NABP1: variants seen among roughly 807,000 people sequenced by gnomAD.
NABP1 encodes the protein nucleic acid binding protein 1, also known as SOSS complex subunit B2.
In NABP1, 18 loss-of-function variants were observed where a neutral mutation model predicts 25.0. That is an observed-to-expected ratio of 0.72 (90% CI 0.50 to 1.07). The LOEUF is 1.07. Among genes scored for constraint, NABP1 ranks in the 50% least tolerant of loss-of-function variants. The pLI, the probability that NABP1 is intolerant of heterozygous loss-of-function variation, is 0.00. For missense variants in NABP1, 270 were observed against 255.6 expected (o/e 1.06, Z -0.39); for synonymous variants, 71 against 85.0 (o/e 0.84, Z 0.91).
Position 191,685,766 on chromosome 2 carries a change from T to C in NABP1, c.613T>C (p.Ter205ArgextTer8). 2 of 1,613,960 alleles carry C rather than the reference T, an allele frequency of 1.2e-6. No individual in the cohort carries two copies. The highest frequency in any genetic ancestry group is 1.7e-6 in the Non-Finnish European group (2 of 1,179,872). The change falls in exon 6 of 6, where the codon TGA (stop) becomes CGA (arginine). Residue 205 changes from the stop codon to arginine (R), a stop_lost. Transcript: ENST00000425611. ...GGACCCTCGGAGAGCCTTTAAAAGA[T>C]GACCTATGCTAAATACTCATGTGTA... ...GRDPRRAFKR* is the reference protein window; with the variant it reads ...GRDPRRAFKRR
At chr2:191,681,842 C>T in intron 2 of NABP1, 104 bp from the exon 3 acceptor site, 2 of 628,448 alleles carry the variant, frequency 3.2e-6, no homozygotes, top group Non-Finnish European at 4.9e-6. Flanking sequence ...GCTTGATCCT[C>T]ACTTCTACCT....
chr2:191,683,724 T>G lies in NABP1; in HGVS notation c.303-5T>G. 2.5e-6 allele frequency: 4 copies of G among 1,608,340 alleles called. No homozygotes were observed. The highest frequency in any genetic ancestry group is 3.4e-6 in the Non-Finnish European group (4 of 1,176,000). ...TCATTTAATTTTTTCTTTATTTTCT[T>G]TCAGATTTTGTATGGTTTATTCAGA... On this transcript the variant is annotated splice_region_variant and splice_polypyrimidine_tract_variant and intron_variant, in intron 3 of 5. Transcript: ENST00000425611. This position sits in a 1 kb window ranked among gnomAD's most constrained non-coding sequence, Gnocchi z 4.1.
rs960658219 is a variant in NABP1 at position 191,686,570 on chromosome 2, A to G, written c.*802A>G. 3.9e-5 allele frequency: 6 copies of G among 152,240 alleles called. No individual in the cohort carries two copies. The highest frequency in any genetic ancestry group is 1.4e-4 in the African/African-American group (6 of 41,460). 9.4% of individuals were successfully genotyped at this position (152,240 alleles called of 1,614,324 possible). A position where few individuals can be genotyped will look rare whatever the true frequency, so the allele number is the denominator to read the frequency against. On this transcript the variant is annotated 3_prime_UTR_variant, in exon 6 of 6. Coordinates refer to ENST00000425611, the MANE Select transcript of NABP1 (RefSeq NM_001031716.5). ...AACATTCATCTGATTATTTTAAACA[A>G]TAGTTGTGGTAGATAAACATACTGG...
chr2:191,686,319 A>T lies in NABP1; in HGVS notation c.*551A>T, dbSNP rs1687821674. ...TCCCAAATTTTTGTTGTATTACCAA[A>T]AAAACAGATTCCTTATCAGAATTTG... On this transcript the variant is annotated 3_prime_UTR_variant, in exon 6 of 6. Transcript: ENST00000425611. 1 of 152,258 alleles carries T rather than the reference A, an allele frequency of 6.6e-6. No individual in the cohort carries two copies. Among genetic ancestry groups the T allele is most frequent in the Non-Finnish European group, 1.5e-5 (1 of 68,070 alleles). 9.4% of individuals were successfully genotyped at this position (152,258 alleles called of 1,614,324 possible). A position where few individuals can be genotyped will look rare whatever the true frequency, so the allele number is the denominator to read the frequency against.
chr2:191,678,725 T>C lies in NABP1; in HGVS notation c.91+20T>C. On this transcript the variant is annotated intron_variant, in intron 1 of 5. Coordinates refer to ENST00000425611, the MANE Select transcript of NABP1 (RefSeq NM_001031716.5). ...AGATAGGTAAGTGGGGTTTGCAGCC[T>C]ACTCCACCGCCCGCTGTGCCTCCCG... 6.3e-7 allele frequency: 1 copy of C among 1,596,144 alleles called. No homozygotes were observed. Among genetic ancestry groups the C allele is most frequent in the Non-Finnish European group, 8.6e-7 (1 of 1,168,280 alleles).
intron 2 of NABP1, 139 bp downstream of exon 2, chr2:191,679,267 A>T: frequency 9.8e-7 from 1 of 1,021,520 alleles, no homozygotes; most frequent in Admixed American, 2.6e-5. Context: ...TTTGGTGTTA[A>T]CTTTGGGTGG....
intron 2 of NABP1, among the ~76,000 whole-genome samples, chr2:191,680,993 C>T (rs1426854562): frequency 6.6e-6 from 1 of 152,096 alleles, no homozygotes; most frequent in Admixed American, 6.5e-5. Context: ...TATCAGAATA[C>T]CCTGAAAACT....
At chr2:191,680,596 A>G (rs574392701) in intron 2 of NABP1, among the ~76,000 whole-genome samples, 1 of 152,318 alleles carries the variant, frequency 6.6e-6, no homozygotes, top group South Asian at 2.1e-4. Flanking sequence ...TACGCTAAAA[A>G]CGGCATCTTA....
chr2:191,678,528 C>T lies in NABP1; in HGVS notation c.-87C>T. On this transcript the variant is annotated 5_prime_UTR_variant, in exon 1 of 6. Coordinates refer to ENST00000425611, the MANE Select transcript of NABP1 (RefSeq NM_001031716.5). ...ACCCCTGCCCAAGGTCGCCCCTCTG[C>T]CTTCGCCCCTGTCCCGGGAGGGTGG... is the stretch of plus-strand genomic sequence containing the variant. 3.2e-6 allele frequency: 3 copies of T among 951,470 alleles called. No homozygotes were observed. Among genetic ancestry groups the T allele is most frequent in the Non-Finnish European group, 3.2e-6 (2 of 630,728 alleles). The allele number at this position is 951,470 out of a possible 1,614,324, so 58.9% of individuals were successfully genotyped here.
chr2:191,679,355 G>C (rs777776641), intron 2 of NABP1, among the ~76,000 whole-genome samples: 7 of 152,108 alleles, frequency 4.6e-5, no homozygotes, highest in Non-Finnish European at 7.4e-5. Flanking sequence ...CCTCTACCCC[G>C]GTTTACAGGT....
At chr2:191,684,109 G>C in intron 4 of NABP1, 121 bp from the exon 5 acceptor site, 1 of 537,992 alleles carries the variant, frequency 1.9e-6, no homozygotes, top group Non-Finnish European at 2.9e-6. Context: ...TAAAAAATTT[G>C]TTAATTAAAA....
intron 3 of NABP1, chr2:191,682,784 C>T: frequency 4.1e-6 from 1 of 245,306 alleles, no homozygotes; most frequent in Non-Finnish European, 8.4e-6. Context: ...AACTGTTTGC[C>T]ACTGAGGGAA....
intron 2 of NABP1, among the ~76,000 whole-genome samples, chr2:191,679,600 C>T (rs1379229843): frequency 6.6e-6 from 1 of 152,142 alleles, no homozygotes; most frequent in Non-Finnish European, 1.5e-5. Context: ...TGGTCTCCAA[C>T]TCCTGACCTC....
chr2:191,683,256 A>G lies in NABP1; in HGVS notation c.303-473A>G. 5.7e-6 allele frequency: 1 copy of G among 174,006 alleles called. No individual in the cohort carries two copies. Among genetic ancestry groups the G allele is most frequent in the Non-Finnish European group, 1.2e-5 (1 of 81,890 alleles). 10.8% of individuals were successfully genotyped at this position (174,006 alleles called of 1,614,324 possible). A position where few individuals can be genotyped will look rare whatever the true frequency, so the allele number is the denominator to read the frequency against. ...CTGTTGTTATTATTTATTGCCTAGA[A>G]ACCACTCTTAACCCTAAATGATTAT... is the stretch of plus-strand genomic sequence containing the variant. On this transcript the variant is annotated intron_variant, in intron 3 of 5. Coordinates refer to ENST00000425611, the MANE Select transcript of NABP1 (RefSeq NM_001031716.5). The surrounding 1 kb of genome is among the most constrained non-coding windows in gnomAD (Gnocchi z 4.1).
chr2:191,685,433 A>G (rs911726556), intron 5 of NABP1, among the ~76,000 whole-genome samples, 166 bp from the exon 6 acceptor site: 3 of 152,100 alleles, frequency 2.0e-5, no homozygotes, highest in Admixed American at 6.5e-5. Flanking sequence ...ATTTATAGCA[A>G]TACATTTGGA....
intron 2 of NABP1, among the ~76,000 whole-genome samples, chr2:191,680,399 C>A (rs968872377): frequency 6.6e-6 from 1 of 152,156 alleles, no homozygotes; most frequent in African/African-American, 2.4e-5. Context: ...GTCATCAAAG[C>A]AGGAAGTGAG....
intron 3 of NABP1, chr2:191,682,866 C>A: frequency 3.8e-6 from 1 of 264,162 alleles, no homozygotes; most frequent in Non-Finnish European, 7.6e-6. Context: ...TTTTAAAGAT[C>A]AGAAACACTT....
In NABP1 at chr2:191,683,542, A is replaced by G. The variant is rs1407343600; in HGVS notation, c.303-187A>G. The G allele has an allele frequency of 1.4e-5, 8 of 559,134 alleles. No homozygotes were observed. The highest frequency in any genetic ancestry group is 2.5e-5 in the Non-Finnish European group (8 of 320,066). The allele number at this position is 559,134 out of a possible 1,614,324, so 34.6% of individuals were successfully genotyped here. A position where few individuals can be genotyped will look rare whatever the true frequency, so the allele number is the denominator to read the frequency against. ...ATAGAATGTTATATATCTTGTAGAC[A>G]GTCAAATATTTGATGTTTTATGGGA... On this transcript the variant is annotated intron_variant, in intron 3 of 5. Transcript: ENST00000425611. This position sits in a 1 kb window ranked among gnomAD's most constrained non-coding sequence, Gnocchi z 4.1.
intron 2 of NABP1, among the ~76,000 whole-genome samples, chr2:191,680,935 A>G (rs1687670570): frequency 6.6e-6 from 1 of 152,200 alleles, no homozygotes; most frequent in Admixed American, 6.5e-5. Context: ...TAGCTTTTGA[A>G]GAAAAACATA....
Sources: allele counts gnomAD v4.1 joint callset (sites outside exome capture counted in the v4.1 genomes callset), GRCh38; gene constraint gnomAD v4.1.1; non-coding constraint Gnocchi (gnomAD v3.1); transcripts MANE v1.5; gene names NCBI Gene and HGNC (gene_info 2026-07-23, HGNC 2026-07-21).